Variants in ITGB5 observed in about 807,000 individuals in gnomAD.
ITGB5 encodes the protein integrin subunit beta 5, also known as integrin beta-5.
A neutral mutation model predicts 84.8 loss-of-function variants in ITGB5; 38 were observed. That is an observed-to-expected ratio of 0.45 (90% CI 0.35 to 0.59). The LOEUF is 0.59. Among genes scored for constraint, ITGB5 ranks in the 20% least tolerant of loss-of-function variants. The pLI, the probability that ITGB5 is intolerant of heterozygous loss-of-function variation, is 0.01. For missense variants in ITGB5, 905 were observed against 1,034.5 expected (o/e 0.87, Z 1.72); for synonymous variants, 393 against 414.4 (o/e 0.95, Z 0.63).
chr3:124,896,931 T>A (rs375431006), intron 1 of ITGB5, among the ~76,000 whole-genome samples: 5,177 of 145,110 alleles, frequency 0.036, 98 homozygotes, highest in Non-Finnish European at 0.051. Flanking sequence ...AAAAAAAAAA[T>A]TTAAAAAGAA....
intron 10 of ITGB5, among the ~76,000 whole-genome samples, chr3:124,786,333 T>C (rs1304474514): frequency 1.3e-5 from 2 of 151,826 alleles, no homozygotes; most frequent in Non-Finnish European, 2.9e-5. Flanking sequence ...GCCCAGGAGT[T>C]TGAGGCTGCA....
chr3:124,841,331 G>T, intron 5 of ITGB5, 52 bp downstream of exon 5: 1 of 1,562,042 alleles, frequency 6.4e-7, no homozygotes, highest in Non-Finnish European at 8.7e-7. Flanking sequence ...ACCCACTGAC[G>T]CTCTCTACCT....
At chr3:124,858,720 C>T (rs1230339662) in intron 3 of ITGB5, among the ~76,000 whole-genome samples, 1 of 152,142 alleles carries the variant, frequency 6.6e-6, no homozygotes, top group African/African-American at 2.4e-5. Context: ...GAGTAGGCAG[C>T]CACTACACCC....
At chr3:124,853,269 C>A (rs1275114137) in intron 3 of ITGB5, among the ~76,000 whole-genome samples, 2 of 152,196 alleles carry the variant, frequency 1.3e-5, no homozygotes, top group Non-Finnish European at 2.9e-5. Context: ...GGCCCTGGTG[C>A]ACACATTATA....
At chr3:124,857,088 G>T (rs1346614009) in intron 3 of ITGB5, 1 of 152,162 alleles carries the variant, frequency 6.6e-6, no homozygotes, top group Admixed American at 6.5e-5. Flanking sequence ...CTCTTCTTTT[G>T]TTTCTTATTT....
At chr3:124,857,260 C>G (rs1462979438) in intron 3 of ITGB5, 1 of 152,218 alleles carries the variant, frequency 6.6e-6, no homozygotes, top group Non-Finnish European at 1.5e-5. Flanking sequence ...AATCCATTTC[C>G]AAGGCACTGA....
At chr3:124,798,118 A>G (rs1579213782) in intron 9 of ITGB5, among the ~76,000 whole-genome samples, 1 of 126,274 alleles carries the variant, frequency 7.9e-6, no homozygotes, top group East Asian at 2.6e-4. Context: ...GGTGGCATGC[A>G]CTCAGCTCAC....
chr3:124,886,165 CCT>C (rs373304272), intron 1 of ITGB5, among the ~76,000 whole-genome samples: 3 of 152,322 alleles, frequency 2.0e-5, no homozygotes, highest in African/African-American at 7.2e-5. Flanking sequence ...CTCCACAGCC[CCT>C]GTCCTCTGCT....
intron 14 of ITGB5, 65 bp downstream of exon 14, chr3:124,764,326 C>A (rs930574973): frequency 6.4e-5 from 98 of 1,521,898 alleles, no homozygotes; most frequent in Admixed American, 2.9e-4. Flanking sequence ...TGCTAACATA[C>A]CGCTGAACTC....
rs532465704 is a variant in ITGB5, at chr3:124,884,888, C to T, written c.70+2043G>A. On this transcript the variant is annotated intron_variant, in intron 1 of 14. Coordinates refer to ENST00000296181, the MANE Select transcript of ITGB5 (RefSeq NM_002213.5). ...AGGGCAAGTCACTTCCTTCCTGAGC[C>T]CATATGAGAAAATGGACATCACCGT... Among the ~76,000 whole-genome samples, 41 of 152,168 alleles carry T rather than the reference C, an allele frequency of 2.7e-4. No homozygotes were observed. The South Asian group carries it at 7.1e-3, about 26-fold the overall frequency.
intron 9 of ITGB5, among the ~76,000 whole-genome samples, chr3:124,798,418 TTTG>T (rs750227931): frequency 9.2e-5 from 14 of 151,624 alleles, no homozygotes; most frequent in South Asian, 4.2e-4. Context: ...TAACAATGTT[TTTG>T]TTGTTGTTGT....
Position 124,775,374 on chromosome 3 carries a change from C to CTG in ITGB5, c.1694-1464_1694-1463dup, listed in dbSNP as rs1579180017. Among the ~76,000 whole-genome samples, 2 of 151,234 alleles carry CTG rather than the reference C, an allele frequency of 1.3e-5. 1 individual carries two copies. Among genetic ancestry groups the CTG allele is most frequent in the South Asian group, 4.2e-4 (2 of 4,758 alleles). ...GGAGGATGTGTGTGAGTGCGAGCAT[C>CTG]TGTGTGTGTTGGAGTGTGTGTGTGA... On this transcript the variant is annotated intron_variant, in intron 10 of 14. Coordinates refer to ENST00000296181, the MANE Select transcript of ITGB5 (RefSeq NM_002213.5).
At chr3:124,812,604 G>T (rs2064522206) in intron 8 of ITGB5, among the ~76,000 whole-genome samples, 1 of 152,208 alleles carries the variant, frequency 6.6e-6, no homozygotes, top group African/African-American at 2.4e-5. Flanking sequence ...GGGCTCCACG[G>T]CTGAGCTCAG....
At position 124,773,785 on chromosome 3, in the gene ITGB5, G is replaced by T. The variant is rs532580050; in HGVS notation, c.1821C>A (p.His607Gln). The change falls in exon 11 of 15, where the codon CAC becomes CAA. Residue 607 changes from histidine (H) to glutamine (Q), a missense_variant. Physicochemically the swap from His to Gln is conservative, Grantham distance 24 (BLOSUM62 0). This residue lies in a region of ITGB5 where 116 missense variants were observed against 177.0 expected (regional missense o/e 0.66). Coordinates refer to ENST00000296181, the MANE Select transcript of ITGB5 (RefSeq NM_002213.5). ...RDGQICSERG[H>Q]CLCGQCQCTE... ...TGCATTGGCACTGCCCACAGAGACAGTGCCCACGCTCGCTGCAGATCTGGC... is the reference window on the plus strand; with the variant it reads ...TGCATTGGCACTGCCCACAGAGACATTGCCCACGCTCGCTGCAGATCTGGC... 2.5e-6 allele frequency: 4 copies of T among 1,613,770 alleles called. No homozygotes were observed. The Admixed American group carries it at 6.7e-5, about 27-fold the overall frequency.
intron 1 of ITGB5, among the ~76,000 whole-genome samples, chr3:124,877,546 CCTTGGGGCTAGGAT>C: frequency 6.6e-6 from 1 of 152,094 alleles, no homozygotes; most frequent in Non-Finnish European, 1.5e-5. Context: ...GATTATAGCA[CCTTGGGGCTAGGAT>C]TGTTTTAAGA....
chr3:124,808,102 C>A (rs2064438563), intron 9 of ITGB5, among the ~76,000 whole-genome samples: 1 of 152,034 alleles, frequency 6.6e-6, no homozygotes, highest in South Asian at 2.1e-4. Context: ...CGAGACTGTC[C>A]CTGTCTCCGC....
At chr3:124,882,932 G>A (rs541747080) in intron 1 of ITGB5, among the ~76,000 whole-genome samples, 9 of 152,142 alleles carry the variant, frequency 5.9e-5, no homozygotes, top group Non-Finnish European at 1.2e-4. Context: ...TGCATTCAAC[G>A]GAAGCAAGAA....
chr3:124,783,269 C>A (rs1474010076), intron 10 of ITGB5, among the ~76,000 whole-genome samples: 1 of 113,468 alleles, frequency 8.8e-6, no homozygotes. Flanking sequence ...CCACCCTGGG[C>A]AACAGAGCGA....
chr3:124,794,808 G>GAA (rs1041062875), intron 10 of ITGB5, among the ~76,000 whole-genome samples: 2,089 of 149,798 alleles, frequency 0.014, 44 homozygotes, highest in African/African-American at 0.049. Context: ...AAGAAAGAAA[G>GAA]AGAGAGAGAG....
Sources: allele counts gnomAD v4.1 joint callset (sites outside exome capture counted in the v4.1 genomes callset), GRCh38; gene constraint gnomAD v4.1.1; regional missense constraint gnomAD v4.1.1; transcripts MANE v1.5; gene names NCBI Gene and HGNC (gene_info 2026-07-23, HGNC 2026-07-21).